CD300LF: variants seen among roughly 807,000 people sequenced by gnomAD.
The protein encoded by CD300LF is CMRF35-like molecule 1.
Under a neutral mutation model 32.2 loss-of-function variants are expected in CD300LF, and 27 were observed. The observed-to-expected ratio is 0.84, with a 90% CI of 0.62 to 1.15. The LOEUF (loss-of-function observed/expected upper bound fraction) is 1.15, where lower values mean the gene tolerates loss of function less well. Ranked by LOEUF, CD300LF falls within the 50% of genes most tolerant of loss-of-function variation. The pLI is 0.00. For synonymous variants in CD300LF, 139 were observed against 143.2 expected (o/e 0.97, Z 0.21); for missense variants, 348 against 356.8 (o/e 0.98, Z 0.20).
chr17:74,711,373 G>A (rs550975812), intron 1 of CD300LF, among the ~76,000 whole-genome samples: 1 of 152,144 alleles, frequency 6.6e-6, no homozygotes, highest in Non-Finnish European at 1.5e-5. Flanking sequence ...AAAAAAAGCA[G>A]CCATACCTGT....
At chr17:74,706,384 G>A (rs1377803060) in intron 1 of CD300LF, among the ~76,000 whole-genome samples, 11 of 146,210 alleles carry the variant, frequency 7.5e-5, no homozygotes, top group African/African-American at 1.8e-4. Context: ...CCCTGTATCC[G>A]GAATCTTTCA....
intron 2 of CD300LF, among the ~76,000 whole-genome samples, chr17:74,703,585 C>T (rs936790439): frequency 2.6e-5 from 4 of 152,222 alleles, no homozygotes; most frequent in South Asian, 2.1e-4. Context: ...TCAGGAAGAA[C>T]TTTGACTTTG....
At chr17:74,704,367 G>A (rs1013946548) in intron 2 of CD300LF, 111 bp downstream of exon 2, 16 of 808,218 alleles carry the variant, frequency 2.0e-5, no homozygotes, top group African/African-American at 1.0e-4. Flanking sequence ...TATGAGACTC[G>A]GGACTCAAGT....
intron 4 of CD300LF, 115 bp downstream of exon 4, chr17:74,698,254 G>T: frequency 1.3e-6 from 1 of 786,908 alleles, no homozygotes; most frequent in Non-Finnish European, 2.1e-6. Flanking sequence ...GAGGGCCTTT[G>T]GGACTGTGCC....
intron 1 of CD300LF, among the ~76,000 whole-genome samples, chr17:74,706,429 A>C (rs956469515): frequency 6.6e-6 from 1 of 151,352 alleles, no homozygotes; most frequent in African/African-American, 2.4e-5. Flanking sequence ...TAAAAAGAAC[A>C]TATATATATA....
In CD300LF at chr17:74,703,070, G is replaced by A. The variant is rs758356227; in HGVS notation, c.411C>T (p.Ser137=). Residue 137 remains serine (S), a synonymous_variant, in exon 3 of 7, where the codon AGC becomes AGT. Coordinates refer to ENST00000326165, the MANE Select transcript of CD300LF (RefSeq NM_139018.5). ...AGTGGTGGCCGGTCAGAGTTGGGGAGCTGCTAGTTTCTTCTTGGGTGACTG... is the reference window on the plus strand; with the variant it reads ...AGTGGTGGCCGGTCAGAGTTGGGGAACTGCTAGTTTCTTCTTGGGTGACTG... ...PAPVTQEETS[S]SPTLTGHHLD... 1.3e-5 allele frequency: 21 copies of A among 1,613,918 alleles called. No homozygotes were observed. In the Admixed American group the frequency reaches 2.7e-4, roughly 20 times the overall value.
intron 3 of CD300LF, among the ~76,000 whole-genome samples, chr17:74,700,878 T>C (rs899964925): frequency 6.6e-6 from 1 of 152,008 alleles, no homozygotes; most frequent in Non-Finnish European, 1.5e-5. Flanking sequence ...TATTTGAAGA[T>C]AGGATCTTTA....
intron 1 of CD300LF, among the ~76,000 whole-genome samples, chr17:74,707,754 T>G (rs2033632518): frequency 6.6e-6 from 1 of 151,678 alleles, no homozygotes; most frequent in East Asian, 1.9e-4. Context: ...TATGACTGTA[T>G]ATCCTGCACA....
rs540510532 is a variant in CD300LF at position 74,695,851 on chromosome 17, C to T, written c.591G>A (p.Gln197=). 1 of 1,613,602 alleles carries T rather than the reference C, an allele frequency of 6.2e-7. No individual in the cohort carries two copies. The highest frequency in any genetic ancestry group is 1.1e-5 in the South Asian group (1 of 91,008). ...AAGMSPEQVL[Q]PLEGDLCYAD... is the part of the protein sequence containing the mutation. ...CATAGCAGAGGTCGCCCTCCAGGGG[C>T]TGCAGTACCTGGGACAGGGAACACA... Residue 197 remains glutamine, a synonymous_variant, in exon 6 of 7, where the codon CAG becomes CAA. Coordinates refer to ENST00000326165, the MANE Select transcript of CD300LF (RefSeq NM_139018.5).
chr17:74,712,429 C>A (rs535092153), intron 1 of CD300LF, among the ~76,000 whole-genome samples: 83 of 152,348 alleles, frequency 5.4e-4, no homozygotes, highest in African/African-American at 1.8e-3. Flanking sequence ...CAAAGTCCTC[C>A]AGCCTCACCT....
chr17:74,699,396 C>T (rs766519694), intron 3 of CD300LF, among the ~76,000 whole-genome samples: 3 of 152,074 alleles, frequency 2.0e-5, no homozygotes, highest in African/African-American at 7.2e-5. Flanking sequence ...CACTCAGACC[C>T]GTGAATGTGA....
chr17:74,711,950 G>A, intron 1 of CD300LF, among the ~76,000 whole-genome samples: 1 of 126,012 alleles, frequency 7.9e-6, no homozygotes, highest in Non-Finnish European at 1.6e-5. Flanking sequence ...TGTCACCCAT[G>A]CTGGAAGGCA....
chr17:74,706,300 T>C (rs1483142129), intron 1 of CD300LF, among the ~76,000 whole-genome samples: 1 of 147,682 alleles, frequency 6.8e-6, no homozygotes, highest in Admixed American at 6.8e-5. Flanking sequence ...TATATATATA[T>C]CCCAAAGTGC....
intron 1 of CD300LF, 115 bp downstream of exon 1, chr17:74,712,709 C>A (rs898375564): frequency 5.7e-6 from 6 of 1,054,276 alleles, no homozygotes; most frequent in Non-Finnish European, 8.6e-6. Flanking sequence ...GTGGATGAAA[C>A]GCACAAGGCT....
chr17:74,712,013 T>G (rs1289132080), intron 1 of CD300LF, among the ~76,000 whole-genome samples: 1 of 150,642 alleles, frequency 6.6e-6, no homozygotes, highest in Non-Finnish European at 1.5e-5. Context: ...CAAGTGATCC[T>G]CATGCCTCAG....
chr17:74,705,272 G>A, intron 1 of CD300LF: 1 of 700,942 alleles, frequency 1.4e-6, no homozygotes, highest in Non-Finnish European at 2.6e-6. Context: ...GCTGTGGAGA[G>A]GCTGTCCTGG....
chr17:74,703,286 C>G, intron 2 of CD300LF, 188 bp from the exon 3 acceptor site: 1 of 632,704 alleles, frequency 1.6e-6, no homozygotes, highest in Non-Finnish European at 2.7e-6. Context: ...CCACTCATGT[C>G]TCCCTGGTCT....
intron 5 of CD300LF, 70 bp downstream of exon 5, chr17:74,696,123 TGA>T: frequency 6.5e-7 from 1 of 1,544,840 alleles, no homozygotes; most frequent in South Asian, 1.2e-5. Context: ...TTGGACCTTC[TGA>T]GAGATGGAAA....
chr17:74,705,346 T>A, intron 1 of CD300LF: 1 of 670,228 alleles, frequency 1.5e-6, no homozygotes, highest in Non-Finnish European at 2.8e-6. Flanking sequence ...TTGAAGTTGA[T>A]CAAAACAGCA....
Sources: gnomAD v4.1 joint callset for allele counts (sites outside exome capture counted in the v4.1 genomes callset) on GRCh38, gnomAD v4.1.1 for gene constraint, MANE v1.5 for transcripts, NCBI Gene and HGNC (gene_info 2026-07-23, HGNC 2026-07-21) for gene names.